SEMA3D: variants seen among roughly 807,000 people sequenced by gnomAD.
SEMA3D encodes semaphorin-3D.
A neutral mutation model predicts 100.1 loss-of-function variants in SEMA3D; 84 were observed. That is an observed-to-expected ratio of 0.84 (90% CI 0.70 to 1.01). The LOEUF (loss-of-function observed/expected upper bound fraction) is 1.01, where lower values mean the gene tolerates loss of function less well. Ranked by LOEUF, SEMA3D falls within the 50% of genes least tolerant of loss-of-function variation. The probability of loss-of-function intolerance (pLI) is 0.00; values close to 1 mark genes in which losing one functional copy is unlikely to be tolerated. For synonymous variants in SEMA3D, 312 were observed against 320.7 expected (o/e 0.97, Z 0.29); for missense variants, 875 against 934.1 (o/e 0.94, Z 0.82).
intron 1 of SEMA3D, among the ~76,000 whole-genome samples, chr7:85,163,823 A>T (rs974910314): frequency 6.6e-6 from 1 of 152,144 alleles, no homozygotes; most frequent in Non-Finnish European, 1.5e-5. Context: ...TCGTATCTGA[A>T]TGCTTTTCAG....
At chr7:85,046,012 A>T (rs1790998769) in intron 9 of SEMA3D, among the ~76,000 whole-genome samples, 1 of 151,958 alleles carries the variant, frequency 6.6e-6, no homozygotes, top group Admixed American at 6.6e-5. Flanking sequence ...AATACTAAAA[A>T]TAATGTTGAT....
At chr7:85,211,163 A>T in the SEMA3D span, among the ~76,000 whole-genome samples, 2 of 152,076 alleles carry the variant, frequency 1.3e-5, no homozygotes, top group African/African-American at 2.4e-5. Flanking sequence ...TTAAATGCAA[A>T]CAACAATTTC....
chr7:85,187,601 C>T (rs931960707), upstream of SEMA3D, among the ~76,000 whole-genome samples: 22 of 152,300 alleles, frequency 1.4e-4, no homozygotes, highest in Admixed American at 1.0e-3. Flanking sequence ...TACGCCAGAC[C>T]TACAAAGAGG....
the SEMA3D span, among the ~76,000 whole-genome samples, chr7:85,201,239 A>G: frequency 4.6e-5 from 7 of 152,198 alleles, no homozygotes; most frequent in Non-Finnish European, 7.4e-5. Context: ...GCCAGCCCCA[A>G]TTTCCAAGGA....
At position 85,151,598 on chromosome 7, in the gene SEMA3D, C is replaced by CGTGT. The variant is rs57024733; in HGVS notation, c.-41+2006_-41+2009dup. 1,267 of 850,606 alleles carry CGTGT rather than the reference C, an allele frequency of 1.5e-3. 1 individual carries two copies. The highest frequency in any genetic ancestry group is 9.4e-3 in the African/African-American group (501 of 53,344). The allele number at this position is 850,606 out of a possible 1,614,324, so 52.7% of individuals were successfully genotyped here. On this transcript the variant is annotated intron_variant, in intron 2 of 18. Transcript: ENST00000284136. ...TGATGTGTGTATGCATGTGTGTATG[C>CGTGT]GTGTGTGTGTGTGTGTGTGTGTGTG...
the SEMA3D span, among the ~76,000 whole-genome samples, chr7:85,244,596 C>T: frequency 1.3e-5 from 2 of 151,746 alleles, no homozygotes; most frequent in African/African-American, 4.9e-5. Context: ...ATGTGTCAGT[C>T]TAAAGTAGGA....
At chr7:85,074,904 G>A (rs1345272687) in intron 5 of SEMA3D, among the ~76,000 whole-genome samples, 2 of 152,102 alleles carry the variant, frequency 1.3e-5, no homozygotes, top group African/African-American at 2.4e-5. Context: ...ACAGGCATGA[G>A]CCACCATGGC....
rs891314465 is a variant in SEMA3D, at chr7:84,997,743, G to C, written c.*1697C>G. 3 of 150,996 alleles carry C rather than the reference G, an allele frequency of 2.0e-5. No individual in the cohort carries two copies. The highest frequency in any genetic ancestry group is 7.5e-5 in the African/African-American group (3 of 39,988). 9.4% of individuals were successfully genotyped at this position (150,996 alleles called of 1,614,324 possible). A position where few individuals can be genotyped will look rare whatever the true frequency, so the allele number is the denominator to read the frequency against. On this transcript the variant is annotated 3_prime_UTR_variant, in exon 19 of 19. Coordinates refer to ENST00000284136, the MANE Select transcript of SEMA3D (RefSeq NM_001384900.1). ...CTTTCAAGATATGTAGAATGCATGA[G>C]AAACGAGCAATGTCTGTTATTTTCT...
chr7:85,068,098 A>G lies in SEMA3D; in HGVS notation c.589+93T>C. Reference sequence around the variant, plus strand: ...ATCGCTTGTGGAAGATTAGTAAAAAATTACCTTTAACTCAATAGGAAAATG... The same window carrying G: ...ATCGCTTGTGGAAGATTAGTAAAAAGTTACCTTTAACTCAATAGGAAAATG... On this transcript the variant is annotated intron_variant, in intron 7 of 18. Transcript: ENST00000284136. 6 of 748,696 alleles carry G rather than the reference A, an allele frequency of 8.0e-6. No individual in the cohort carries two copies. In the South Asian group the frequency reaches 9.9e-5, roughly 12 times the overall value. The allele number at this position is 748,696 out of a possible 1,614,324, so 46.4% of individuals were successfully genotyped here. A position where few individuals can be genotyped will look rare whatever the true frequency, so the allele number is the denominator to read the frequency against.
chr7:85,207,618 C>G, the SEMA3D span, among the ~76,000 whole-genome samples: 5 of 151,954 alleles, frequency 3.3e-5, no homozygotes, highest in South Asian at 1.0e-3. Flanking sequence ...TTTTAAATGT[C>G]AATTACATTG....
chr7:85,187,956 C>A (rs190376780), upstream of SEMA3D, among the ~76,000 whole-genome samples: 1 of 152,184 alleles, frequency 6.6e-6, no homozygotes, highest in East Asian at 1.9e-4. Context: ...TGCCCTTAGT[C>A]CCAAACATAA....
the SEMA3D span, among the ~76,000 whole-genome samples, chr7:85,247,787 C>A: frequency 6.6e-6 from 1 of 152,024 alleles, no homozygotes; most frequent in Admixed American, 6.5e-5. Flanking sequence ...AGGGGAAACA[C>A]AATGGAGAAA....
chr7:85,069,315 T>C (rs979403320), intron 6 of SEMA3D, among the ~76,000 whole-genome samples: 1 of 152,168 alleles, frequency 6.6e-6, no homozygotes, highest in African/African-American at 2.4e-5. Context: ...ATAGTAACTA[T>C]TGCCTCATTT....
chr7:85,110,788 C>T (rs1300955593), intron 3 of SEMA3D, among the ~76,000 whole-genome samples: 1 of 152,002 alleles, frequency 6.6e-6, no homozygotes, highest in Non-Finnish European at 1.5e-5. Context: ...CTCTTGATCT[C>T]TTTGCTTCTC....
intron 3 of SEMA3D, among the ~76,000 whole-genome samples, chr7:85,115,567 T>A (rs1411120864): frequency 2.0e-5 from 3 of 152,164 alleles, no homozygotes; most frequent in Admixed American, 1.3e-4. Context: ...ACTTTCCATA[T>A]CTTTTTTTAT....
At chr7:85,005,533 C>T (rs1789771676) in intron 18 of SEMA3D, among the ~76,000 whole-genome samples, 1 of 151,972 alleles carries the variant, frequency 6.6e-6, no homozygotes, top group African/African-American at 2.4e-5. Flanking sequence ...AAAAGTTATT[C>T]TTGTAGCTGT....
In SEMA3D at chr7:85,186,923, G is replaced by A. The variant is rs1165616051; in HGVS notation, c.-418C>T. ...CTCCCCCGAGAGCCGCGCTAGGACAGGCGGAGAGCAAGGCACCAGCTGGAG... is the reference window on the plus strand; with the variant it reads ...CTCCCCCGAGAGCCGCGCTAGGACAAGCGGAGAGCAAGGCACCAGCTGGAG... On this transcript the variant is annotated 5_prime_UTR_variant, in exon 1 of 19. Coordinates refer to ENST00000284136, the MANE Select transcript of SEMA3D (RefSeq NM_001384900.1). The A allele has an allele frequency of 6.5e-6, 1 of 152,780 alleles. No individual in the cohort carries two copies. Among genetic ancestry groups the A allele is most frequent in the Non-Finnish European group, 1.5e-5 (1 of 68,568 alleles). The allele number at this position is 152,780 out of a possible 1,614,324, so 9.5% of individuals were successfully genotyped here.
chr7:85,216,685 T>A, the SEMA3D span, among the ~76,000 whole-genome samples: 8 of 151,962 alleles, frequency 5.3e-5, no homozygotes, highest in Non-Finnish European at 8.8e-5. Context: ...GTTAACTAAG[T>A]AGGACAGATA....
intron 9 of SEMA3D, among the ~76,000 whole-genome samples, chr7:85,046,278 A>T (rs999117503): frequency 6.6e-6 from 1 of 151,886 alleles, no homozygotes; most frequent in African/African-American, 2.4e-5. Flanking sequence ...CTCCCTTTCT[A>T]TTTACAATTA....
Sources: allele counts gnomAD v4.1 joint callset (sites outside exome capture counted in the v4.1 genomes callset), GRCh38; gene constraint gnomAD v4.1.1; transcripts MANE v1.5; gene names NCBI Gene and HGNC (gene_info 2026-07-23, HGNC 2026-07-21).